FBRSL1: variants seen among roughly 807,000 people sequenced by gnomAD.
The protein encoded by FBRSL1 is fibrosin-1-like protein.
Under a neutral mutation model 89.6 loss-of-function variants are expected in FBRSL1, and 51 were observed. The observed-to-expected ratio is 0.57, with a 90% CI of 0.45 to 0.72. The LOEUF (loss-of-function observed/expected upper bound fraction) is 0.72. Ranked by LOEUF, FBRSL1 falls within the 30% of genes least tolerant of loss-of-function variation. FBRSL1 has a pLI of 0.00. For synonymous variants in FBRSL1, 779 were observed against 681.1 expected (o/e 1.14, Z -2.24); for missense variants, 1,618 against 1,451.8 (o/e 1.11, Z -1.86).
intron 1 of FBRSL1, among the ~76,000 whole-genome samples, chr12:132,504,004 A>T (rs1033936741): frequency 6.6e-6 from 1 of 151,860 alleles, no homozygotes; most frequent in African/African-American, 2.4e-5. Context: ...GACCCATCTG[A>T]GAAGATCCCT....
At chr12:132,544,898 CAT>C (rs746837474) in intron 4 of FBRSL1, among the ~76,000 whole-genome samples, 4 of 152,120 alleles carry the variant, frequency 2.6e-5, no homozygotes, top group Non-Finnish European at 4.4e-5. Context: ...ATGATACTGT[CAT>C]GTGTATAATG....
Position 132,582,278 on chromosome 12 carries a change from T to G in FBRSL1, c.2201+12T>G, listed in dbSNP as rs1374470435. On this transcript the variant is annotated intron_variant, in intron 18 of 18. Transcript: ENST00000680143. ...GAGGAGCAGGAACGGTGAGTGGCCC[T>G]CTTGTTCCGTATCCCCACCACACAC... 6.5e-7 allele frequency: 1 copy of G among 1,547,936 alleles called. No individual in the cohort carries two copies. Among genetic ancestry groups the G allele is most frequent in the Non-Finnish European group, 8.7e-7 (1 of 1,145,478 alleles).
Position 132,499,573 on chromosome 12 carries a change from G to T in FBRSL1, c.292-8580G>T, listed in dbSNP as rs981326502. Among the ~76,000 whole-genome samples the T allele has an allele frequency of 6.6e-6, 1 of 152,196 alleles. No homozygotes were observed. Among genetic ancestry groups the T allele is most frequent in the Non-Finnish European group, 1.5e-5 (1 of 68,036 alleles). On this transcript the variant is annotated intron_variant, in intron 1 of 18. Transcript: ENST00000680143. The surrounding 1 kb of genome is among the most constrained non-coding windows in gnomAD (Gnocchi z 4.3). The stretch of plus-strand genomic sequence containing the variant: ...GGAGGCCACGAGGGCTTCTGGGGAA[G>T]AGTGCAGGCTGTGAGGGGCAGCACC...
At chr12:132,510,916 G>T in intron 2 of FBRSL1, 2 of 1,000,286 alleles carry the variant, frequency 2.0e-6, no homozygotes, top group Non-Finnish European at 2.4e-6. Flanking sequence ...CGTGCCACCT[G>T]TGCGGAGCGC....
intron 5 of FBRSL1, 123 bp downstream of exon 5, chr12:132,548,155 C>G: frequency 8.4e-7 from 1 of 1,193,692 alleles, no homozygotes; most frequent in Admixed American, 2.1e-5. Flanking sequence ...ATCCCCCCGC[C>G]CGGTGGGTGC....
chr12:132,494,488 GC>G (rs2031653239), intron 1 of FBRSL1, among the ~76,000 whole-genome samples: 1 of 152,230 alleles, frequency 6.6e-6, no homozygotes, highest in Non-Finnish European at 1.5e-5. Context: ...CCAGTGGGCT[GC>G]ACCGCCCACT....
rs1051398576 is a variant in FBRSL1, at chr12:132,514,471, G to A, written c.489+6121G>A. Among the ~76,000 whole-genome samples, 6 of 152,328 alleles carry A rather than the reference G, an allele frequency of 3.9e-5. No individual in the cohort carries two copies. The East Asian group carries it at 1.2e-3, about 29-fold the overall frequency. The stretch of plus-strand genomic sequence containing the variant: ...CGAGGCCACCGGCCATCCTCCTCCG[G>A]CCAGAAGCTGCAGTGATAGGGGACA... On this transcript the variant is annotated intron_variant, in intron 2 of 18. Coordinates refer to ENST00000680143, the MANE Select transcript of FBRSL1 (RefSeq NM_001367871.1).
chr12:132,550,649 C>CG (rs1566185646), intron 5 of FBRSL1: 1 of 152,450 alleles, frequency 6.6e-6, no homozygotes, highest in Non-Finnish European at 1.5e-5. Flanking sequence ...GACCCTGGTG[C>CG]GTTCTGGGAG....
At chr12:132,569,777 C>G (rs1381533693) in intron 6 of FBRSL1, 149 bp from the exon 7 acceptor site, 3 of 549,604 alleles carry the variant, frequency 5.5e-6, no homozygotes, top group South Asian at 9.2e-5. Flanking sequence ...AGCTGTGTGG[C>G]CTCCGTGCCT....
chr12:132,527,419 G>T (rs9669008), intron 3 of FBRSL1, among the ~76,000 whole-genome samples: 40,779 of 152,132 alleles, frequency 0.27, 5,783 homozygotes, highest in East Asian at 0.41. Context: ...CCTCAGACTG[G>T]CTGGGCCCCT....
intron 4 of FBRSL1, among the ~76,000 whole-genome samples, chr12:132,530,590 C>T (rs1593363304): frequency 6.6e-6 from 1 of 152,008 alleles, no homozygotes; most frequent in Non-Finnish European, 1.5e-5. Flanking sequence ...TCTGGGTCTC[C>T]ACTCATTATT....
intron 2 of FBRSL1, chr12:132,509,339 C>G: frequency 8.0e-7 from 1 of 1,247,978 alleles, no homozygotes; most frequent in Non-Finnish European, 1.0e-6. Context: ...AGCGGCCACT[C>G]CTGGGTCAGC....
At chr12:132,572,370 C>A (rs556920485) in intron 10 of FBRSL1, 26 bp downstream of exon 10, 1 of 1,550,054 alleles carries the variant, frequency 6.5e-7, no homozygotes, top group South Asian at 1.2e-5. Context: ...GGGCCCGGCG[C>A]GTGTCGCTGT....
At chr12:132,541,198 C>T (rs544839434) in intron 4 of FBRSL1, among the ~76,000 whole-genome samples, 4 of 151,342 alleles carry the variant, frequency 2.6e-5, no homozygotes, top group South Asian at 2.1e-4. Context: ...CCCCGAGGCA[C>T]GTCAGGTGCA....
intron 2 of FBRSL1, among the ~76,000 whole-genome samples, chr12:132,523,122 G>T (rs553359414): frequency 3.9e-5 from 6 of 152,254 alleles, no homozygotes; most frequent in South Asian, 2.1e-4. Flanking sequence ...ACGTGGACTT[G>T]TCATCCAGGG....
At position 132,583,906 on chromosome 12, in the gene FBRSL1, G is replaced by T; in HGVS notation, c.*128G>T. ...CGCCTCTCCACCCGCAGCCTGCGGA[G>T]GCGGGGACTTGGGTGTCGGCTTTTC... On this transcript the variant is annotated 3_prime_UTR_variant, in exon 19 of 19. Transcript: ENST00000680143. 2.5e-6 allele frequency: 1 copy of T among 399,052 alleles called. No individual in the cohort carries two copies. The highest frequency in any genetic ancestry group is 3.9e-6 in the Non-Finnish European group (1 of 258,304). The allele number at this position is 399,052 out of a possible 1,614,324, so 24.7% of individuals were successfully genotyped here.
intron 1 of FBRSL1, among the ~76,000 whole-genome samples, chr12:132,495,734 G>GGAGGTGGACGCA (rs1488884962): frequency 2.6e-5 from 4 of 152,224 alleles, no homozygotes; most frequent in Admixed American, 2.6e-4. Flanking sequence ...CTCCCTCCGG[G>GGAGGTGGACGCA]GAGGTGGACT....
chr12:132,495,800 C>G (rs894899584), intron 1 of FBRSL1, among the ~76,000 whole-genome samples: 1 of 152,228 alleles, frequency 6.6e-6, no homozygotes, highest in Non-Finnish European at 1.5e-5. Flanking sequence ...TGCCCGCCAC[C>G]TGTCCAGGCC....
In FBRSL1 at chr12:132,583,012, C is replaced by T. The variant is rs1208490204; in HGVS notation, c.2243C>T (p.Pro748Leu). Residue 748 changes from proline to leucine, a missense_variant, in exon 19 of 19, where the codon CCC (proline) becomes CTC (leucine). Transcript: ENST00000680143. ...EKTRLLSRAS[P>L]ATPAGHPVSG... Reference sequence around the variant, plus strand: ...ACGCGCCTGCTGAGCCGGGCCTCGCCCGCCACCCCCGCTGGCCACCCCGTC... The same window carrying T: ...ACGCGCCTGCTGAGCCGGGCCTCGCTCGCCACCCCCGCTGGCCACCCCGTC... 1.5e-5 allele frequency: 22 copies of T among 1,456,214 alleles called. No individual in the cohort carries two copies. The highest frequency in any genetic ancestry group is 2.4e-4 in the Middle Eastern group (1 of 4,106). The allele number at this position is 1,456,214 out of a possible 1,614,324, so 90.2% of individuals were successfully genotyped here. A position where few individuals can be genotyped will look rare whatever the true frequency, so the allele number is the denominator to read the frequency against.
Sources: gnomAD v4.1 joint callset for allele counts (sites outside exome capture counted in the v4.1 genomes callset) on GRCh38, gnomAD v4.1.1 for gene constraint, Gnocchi (gnomAD v3.1) non-coding constraint, MANE v1.5 for transcripts, NCBI Gene and HGNC (gene_info 2026-07-23, HGNC 2026-07-21) for gene names.